Variants in HAGH observed in about 807,000 individuals in gnomAD.
The protein encoded by HAGH is hydroxyacylglutathione hydrolase, mitochondrial.
A neutral mutation model predicts 35.1 loss-of-function variants in HAGH; 29 were observed. That is an observed-to-expected ratio of 0.83 (90% confidence interval 0.62 to 1.13). The LOEUF is 1.13. Among genes scored for constraint, HAGH ranks in the 50% most tolerant of loss-of-function variants. The pLI is 0.00. For synonymous variants in HAGH, 225 were observed against 176.1 expected (o/e 1.28, Z -2.20); for missense variants, 478 against 419.6 (o/e 1.14, Z -1.22).
In HAGH at chr16:1,820,050, AGCTGAGGGG is replaced by A. The variant is rs1567259875; in HGVS notation, c.315-45_315-37del. 4.4e-5 allele frequency: 15 copies of A among 340,344 alleles called. 1 individual carries two copies. The highest frequency in any genetic ancestry group is 5.9e-5 in the Non-Finnish European group (14 of 238,442). 21.1% of individuals were successfully genotyped at this position (340,344 alleles called of 1,614,324 possible). On this transcript the variant is annotated intron_variant, in intron 3 of 8. Transcript: ENST00000397356. The stretch of plus-strand genomic sequence containing the variant: ...AACAGGAGACCTGGGCTGCCTGCTG[AGCTGAGGGG>A]GCTGCCTGCTGAGCTGAGGGGGCTG...
chr16:1,824,147 G>A (rs574430374), intron 1 of HAGH, among the ~76,000 whole-genome samples: 5 of 152,024 alleles, frequency 3.3e-5, no homozygotes, highest in East Asian at 1.9e-4. Flanking sequence ...GCTTGAATCC[G>A]GGAGGTGAAA....
At chr16:1,817,049 C>G in intron 6 of HAGH, 55 bp from the exon 7 acceptor site, 1 of 1,408,664 alleles carries the variant, frequency 7.1e-7, no homozygotes, top group South Asian at 1.2e-5. Context: ...TGTGAAAGTC[C>G]TCAGGGACGG....
intron 7 of HAGH, chr16:1,810,776 C>T (rs1897613186): frequency 6.6e-6 from 1 of 152,360 alleles, no homozygotes; most frequent in African/African-American, 2.4e-5. Flanking sequence ...CCCGAGGTTC[C>T]CCACCCGCTA....
At chr16:1,819,797 G>A in intron 4 of HAGH, 100 bp downstream of exon 4, 7 of 780,444 alleles carry the variant, frequency 9.0e-6, no homozygotes, top group Non-Finnish European at 1.4e-5. Context: ...GCACTCCCGG[G>A]TCACTGGGGT....
intron 1 of HAGH, among the ~76,000 whole-genome samples, chr16:1,824,591 G>A (rs1302215938): frequency 1.3e-5 from 2 of 152,210 alleles, no homozygotes; most frequent in African/African-American, 4.8e-5. Flanking sequence ...GTGCAGTCCT[G>A]GGGTAGGTGC....
intron 1 of HAGH, among the ~76,000 whole-genome samples, chr16:1,825,286 C>A (rs1898348346): frequency 6.6e-6 from 1 of 152,176 alleles, no homozygotes; most frequent in Non-Finnish European, 1.5e-5. Context: ...CACTGCACTG[C>A]CCAGGCGAAG....
intron 8 of HAGH, 90 bp from the exon 9 acceptor site, chr16:1,809,472 G>A (rs771518118): frequency 3.8e-6 from 4 of 1,054,208 alleles, no homozygotes; most frequent in Non-Finnish European, 5.7e-6. Flanking sequence ...ACTCGTGCTG[G>A]CCGAGCCCAG....
Position 1,817,192 on chromosome 16 carries a change from G to A in HAGH, c.621C>T (p.Val207=). Residue 207 remains valine, a synonymous_variant, in exon 6 of 9, where the codon GTC becomes GTT. Transcript: ENST00000397356. The stretch of plus-strand genomic sequence containing the variant: ...CTGTGTCCGGGGGGAGCCGGCCCAA[G>A]ACCTCCAGCAGAGCTTTACACATCT... The part of the protein sequence containing the change: ...ADEMCKALLE[V]LGRLPPDTRV... The A allele has an allele frequency of 6.2e-7, 1 of 1,611,682 alleles. No individual in the cohort carries two copies. Among genetic ancestry groups the A allele is most frequent in the Non-Finnish European group, 8.5e-7 (1 of 1,177,830 alleles).
rs1405414654 is a variant in HAGH at position 1,822,890 on chromosome 16, AT to A, written c.223del (p.Ile75LeufsTer19). On this transcript the variant is annotated frameshift_variant, in exon 2 of 9. Transcript: ENST00000397356. LOFTEE classifies it high-confidence loss of function. ...VIDDETKEAA[I>X]VDPVQPQKVV... ...CTTCTGGGGCTGCACCGGATCCACA[AT>A]GGCAGCCTCCTTGGTCTCATCATCA... 1 of 1,613,616 alleles carries A rather than the reference AT, an allele frequency of 6.2e-7. No individual in the cohort carries two copies. Among genetic ancestry groups the A allele is most frequent in the Non-Finnish European group, 8.5e-7 (1 of 1,179,946 alleles).
In HAGH at chr16:1,824,227, A is replaced by C. The variant is rs3760039; in HGVS notation, c.77-1190T>G. On this transcript the variant is annotated intron_variant, in intron 1 of 8. Transcript: ENST00000397356. ...ACAGAGTGAGACAGTCTCAAAAAAAAAAAAAAACAAACAAACAATACTTGC... is the reference window on the plus strand; with the variant it reads ...ACAGAGTGAGACAGTCTCAAAAAAACAAAAAAACAAACAAACAATACTTGC... Among the ~76,000 whole-genome samples, 1,381 of 151,730 alleles carry C rather than the reference A, an allele frequency of 9.1e-3. 43 individuals are homozygous for C. The East Asian group carries it at 0.11, about 12-fold the overall frequency.
intron 1 of HAGH, among the ~76,000 whole-genome samples, chr16:1,825,179 G>A (rs1596945209): frequency 6.6e-6 from 1 of 152,146 alleles, no homozygotes; most frequent in South Asian, 2.1e-4. Flanking sequence ...TTAGCTGGGC[G>A]TGGTGGCGAG....
In HAGH at chr16:1,811,573, C is replaced by T. The variant is rs145038638; in HGVS notation, c.748-1740G>A. On this transcript the variant is annotated intron_variant, in intron 7 of 8. Coordinates refer to ENST00000397356, the MANE Select transcript of HAGH (RefSeq NM_005326.6). ...ACTAAAAATACAAAAATTAGCCAGA[C>T]GTGGTGGCACATGTCTGTAATTCCA... 5.7e-3 allele frequency among the ~76,000 whole-genome samples: 871 copies of T among 151,624 alleles called. 6 individuals carry two copies. The highest frequency in any genetic ancestry group is 0.02 in the African/African-American group (821 of 41,294).
intron 7 of HAGH, among the ~76,000 whole-genome samples, chr16:1,811,890 A>C (rs1159353109): frequency 6.6e-6 from 1 of 151,680 alleles, no homozygotes; most frequent in South Asian, 2.1e-4. Context: ...TATATTTTAC[A>C]CCTATCAAAA....
At chr16:1,822,631 G>A (rs1461975844) in intron 2 of HAGH, among the ~76,000 whole-genome samples, 1 of 152,170 alleles carries the variant, frequency 6.6e-6, no homozygotes, top group Non-Finnish European at 1.5e-5. Context: ...CAGCATGCAG[G>A]GGCAGAAAGC....
intron 7 of HAGH, chr16:1,810,173 G>A (rs1321330938): frequency 1.5e-5 from 4 of 270,156 alleles, no homozygotes; most frequent in Non-Finnish European, 2.9e-5. Flanking sequence ...AAATGCTTCA[G>A]AACACCTCCT....
In HAGH at chr16:1,816,751, C is replaced by T. The variant is rs1162067818; in HGVS notation, c.747+142G>A. 1.7e-5 allele frequency: 11 copies of T among 643,784 alleles called. No homozygotes were observed. The East Asian group carries it at 2.2e-4, about 13-fold the overall frequency. The allele number at this position is 643,784 out of a possible 1,614,324, so 39.9% of individuals were successfully genotyped here. A position where few individuals can be genotyped will look rare whatever the true frequency, so the allele number is the denominator to read the frequency against. ...GAACCCCTGGGTTTGCCGTGCAGGG[C>T]GAGCTGGGCCACACTGGCCTGAATC... On this transcript the variant is annotated intron_variant, in intron 7 of 8. Coordinates refer to ENST00000397356, the MANE Select transcript of HAGH (RefSeq NM_005326.6).
At chr16:1,819,571 C>T (rs1039447254) in intron 4 of HAGH, among the ~76,000 whole-genome samples, 4 of 152,206 alleles carry the variant, frequency 2.6e-5, no homozygotes, top group African/African-American at 9.6e-5. Flanking sequence ...TTCTTTACTT[C>T]AAAAATGTTC....
rs543698207 is a variant in HAGH at position 1,818,352 on chromosome 16, G to A, written c.541+763C>T. Among the ~76,000 whole-genome samples, 20 of 152,200 alleles carry A rather than the reference G, an allele frequency of 1.3e-4. No homozygotes were observed. The South Asian group carries it at 2.7e-3, about 20-fold the overall frequency. On this transcript the variant is annotated intron_variant, in intron 5 of 8. Transcript: ENST00000397356. The stretch of plus-strand genomic sequence containing the variant: ...GGCACCTTATCCCTCACAGCGAGGC[G>A]CCCGTCCCTCCCGCCATGCCCTCCG...
rs1257729384 is a variant in HAGH at position 1,808,529 on chromosome 16, T to C, written c.*754A>G. On this transcript the variant is annotated 3_prime_UTR_variant, in exon 9 of 9. Transcript: ENST00000397356. ...GTTAGCCAGGATGGACTCGATCTCC[T>C]GACCTCGTGATCCACCCGCCTCGGC... is the stretch of plus-strand genomic sequence containing the variant. 6.6e-6 allele frequency: 1 copy of C among 152,326 alleles called. No homozygotes were observed. The highest frequency in any genetic ancestry group is 1.5e-5 in the Non-Finnish European group (1 of 68,190). The allele number at this position is 152,326 out of a possible 1,614,324, so 9.4% of individuals were successfully genotyped here. A position where few individuals can be genotyped will look rare whatever the true frequency, so the allele number is the denominator to read the frequency against.
Sources: allele counts gnomAD v4.1 joint callset (sites outside exome capture counted in the v4.1 genomes callset), GRCh38; gene constraint gnomAD v4.1.1; transcripts MANE v1.5; gene names NCBI Gene and HGNC (gene_info 2026-07-23, HGNC 2026-07-21).